The following KDM1B variants were observed in gnomAD, a reference collection of about 807,000 sequenced individuals.
KDM1B encodes lysine-specific histone demethylase 2.
KDM1B carries 63 observed loss-of-function variants against 107.4 expected under a neutral mutation model. The observed-to-expected ratio is 0.59, with a 90% confidence interval of 0.48 to 0.72. The LOEUF (loss-of-function observed/expected upper bound fraction) is 0.72. Among genes scored for constraint, KDM1B ranks in the 30% least tolerant of loss-of-function variants. KDM1B has a pLI of 0.00. For missense variants in KDM1B, 749 were observed against 1,020.8 expected (o/e 0.73, Z 3.63); for synonymous variants, 363 against 363.9 (o/e 1.00, Z 0.03).
chr6:18,176,900 G>A (rs879249005), intron 7 of KDM1B, among the ~76,000 whole-genome samples: 12 of 152,176 alleles, frequency 7.9e-5, no homozygotes, highest in South Asian at 4.1e-4. Flanking sequence ...TTTTGTTAGC[G>A]TCTATGTTCA....
In KDM1B at chr6:18,206,879, T is replaced by G. The variant is rs549751455; in HGVS notation, c.1660-519T>G. Among the ~76,000 whole-genome samples the G allele has an allele frequency of 5.9e-5, 9 of 152,304 alleles. No homozygotes were observed. The South Asian group carries it at 1.9e-3, about 32-fold the overall frequency. ...TTGTTAAAGTAAATTTAAGCTTGCC[T>G]AACTCATTTAACCAACTGTGAACTT... is the stretch of plus-strand genomic sequence containing the variant. On this transcript the variant is annotated intron_variant, in intron 15 of 21. Transcript: ENST00000650836.
chr6:18,220,376 C>G (rs1789592738), intron 21 of KDM1B, among the ~76,000 whole-genome samples: 1 of 152,116 alleles, frequency 6.6e-6, no homozygotes, highest in Non-Finnish European at 1.5e-5. Context: ...TGGTGAAACC[C>G]CGTCACTACT....
chr6:18,192,689 G>T (rs1787356612), intron 10 of KDM1B, among the ~76,000 whole-genome samples: 1 of 150,628 alleles, frequency 6.6e-6, no homozygotes, highest in Admixed American at 6.7e-5. Flanking sequence ...AGGATCGCTT[G>T]TGCCTAGGAG....
rs1000716044 is a variant in KDM1B, at chr6:18,221,810, A to G, written c.2386-99A>G. 5.2e-6 allele frequency: 5 copies of G among 970,870 alleles called. No homozygotes were observed. The Admixed American group carries it at 6.8e-5, about 13-fold the overall frequency. 60.1% of individuals were successfully genotyped at this position (970,870 alleles called of 1,614,324 possible). On this transcript the variant is annotated intron_variant, in intron 21 of 21. Transcript: ENST00000650836. Reference sequence around the variant, plus strand: ...AATATGAGCACACAGGAGTGGCACAAATCTTTATGTTAGACCAGATAAAGT... The same window carrying G: ...AATATGAGCACACAGGAGTGGCACAGATCTTTATGTTAGACCAGATAAAGT...
chr6:18,165,337 A>C lies in KDM1B; in HGVS notation c.306-930A>C, dbSNP rs187390104. The stretch of plus-strand genomic sequence containing the variant: ...AGTAGAGACGGGGTTTCACTGTGTT[A>C]GCCAGGATGGTCTCGATCTCCTGAC... On this transcript the variant is annotated intron_variant, in intron 5 of 21. Coordinates refer to ENST00000650836, the MANE Select transcript of KDM1B (RefSeq NM_001364614.2). Among the ~76,000 whole-genome samples the C allele has an allele frequency of 3.0e-3, 451 of 151,266 alleles. 2 individuals carry two copies. The highest frequency in any genetic ancestry group is 7.8e-3 in the East Asian group (39 of 4,996).
chr6:18,173,878 C>G (rs893805596), intron 7 of KDM1B, among the ~76,000 whole-genome samples: 3 of 152,044 alleles, frequency 2.0e-5, no homozygotes, highest in Non-Finnish European at 4.4e-5. Flanking sequence ...CTCCGCCTCC[C>G]GGGTTCAAGC....
intron 21 of KDM1B, among the ~76,000 whole-genome samples, chr6:18,220,500 C>G (rs369981887): frequency 1.7e-4 from 26 of 151,982 alleles, no homozygotes; most frequent in African/African-American, 6.3e-4. Flanking sequence ...GAGCCAAGAT[C>G]ACGCCACTGC....
At chr6:18,157,636 G>A (rs1017131006) in intron 2 of KDM1B, among the ~76,000 whole-genome samples, 5 of 151,526 alleles carry the variant, frequency 3.3e-5, no homozygotes, top group Non-Finnish European at 4.4e-5. Flanking sequence ...TGTGGTTCAT[G>A]TTATGAATAA....
rs751615354 is a variant in KDM1B, at chr6:18,215,120, C to A, written c.2223C>A (p.Phe741Leu). The A allele has an allele frequency of 1.2e-6, 2 of 1,612,274 alleles. No homozygotes were observed. The highest frequency in any genetic ancestry group is 1.7e-6 in the Non-Finnish European group (2 of 1,179,660). Residue 741 changes from phenylalanine (F) to leucine (L), a missense_variant, in exon 20 of 22, where the codon TTC (phenylalanine) becomes TTA (leucine). Phe to Leu is a conservative substitution (Grantham distance 22). Coordinates refer to ENST00000650836, the MANE Select transcript of KDM1B (RefSeq NM_001364614.2). Reference protein sequence around the residue: ...QQCMATLRELFKEQEVPDPTK... With the variant: ...QQCMATLRELLKEQEVPDPTK... ...GCATGGCCACGCTCCGGGAGCTGTT[C>A]AAGGAGCAGGTGAGAGAGAGGAAGC... is the stretch of plus-strand genomic sequence containing the variant.
chr6:18,180,866 A>C (rs941569788), intron 7 of KDM1B, among the ~76,000 whole-genome samples: 1 of 152,036 alleles, frequency 6.6e-6, no homozygotes, highest in Non-Finnish European at 1.5e-5. Flanking sequence ...GCTCCCGGCC[A>C]CTCTAGCTGT....
chr6:18,177,737 A>G (rs1786120235), intron 7 of KDM1B, among the ~76,000 whole-genome samples: 1 of 151,700 alleles, frequency 6.6e-6, no homozygotes, highest in Non-Finnish European at 1.5e-5. Context: ...TATGGTTTTA[A>G]TTGGGACATA....
At chr6:18,171,257 C>CTG in intron 6 of KDM1B, 106 bp from the exon 7 acceptor site, 1 of 740,588 alleles carries the variant, frequency 1.4e-6, no homozygotes, top group Non-Finnish European at 2.5e-6. Context: ...AGAAAAAATA[C>CTG]TTAGGATTGC....
rs141222425 is a variant in KDM1B, at chr6:18,186,973, T to TACAC, written c.574-795_574-792dup. ...CAGTATGTATATATGTGTGTGTGTG[T>TACAC]ACACACACACACACACACACACACA... On this transcript the variant is annotated intron_variant, in intron 8 of 21. Transcript: ENST00000650836. This position sits in a 1 kb window ranked among gnomAD's most constrained non-coding sequence, Gnocchi z 5.6. Among the ~76,000 whole-genome samples the TACAC allele has an allele frequency of 0.31, 45,133 of 147,206 alleles. 6,840 individuals are homozygous for TACAC. Among genetic ancestry groups the TACAC allele is most frequent in the African/African-American group, 0.33 (13,198 of 39,916 alleles).
Position 18,159,209 on chromosome 6 carries a change from G to A in KDM1B, c.-13-674G>A, listed in dbSNP as rs192061486. ...TCTCGAACTCCTGACCTCATGATCC[G>A]CCTGCCTGGGCCTTGCAAAGTGCTG... is the stretch of plus-strand genomic sequence containing the variant. On this transcript the variant is annotated intron_variant, in intron 2 of 21. Transcript: ENST00000650836. The surrounding 1 kb of genome is among the most constrained non-coding windows in gnomAD (Gnocchi z 4.5). Among the ~76,000 whole-genome samples the A allele has an allele frequency of 1.3e-5, 2 of 152,048 alleles. No individual in the cohort carries two copies. The highest frequency in any genetic ancestry group is 2.9e-5 in the Non-Finnish European group (2 of 68,024).
intron 9 of KDM1B, among the ~76,000 whole-genome samples, chr6:18,190,298 A>G (rs753683707): frequency 6.6e-6 from 1 of 152,040 alleles, no homozygotes; most frequent in African/African-American, 2.4e-5. Flanking sequence ...GTACACTTAA[A>G]AACAGATAAG....
chr6:18,213,120 G>A lies in KDM1B; in HGVS notation c.1983+516G>A, dbSNP rs922541346. 6.6e-6 allele frequency among the ~76,000 whole-genome samples: 1 copy of A among 152,096 alleles called. No homozygotes were observed. The highest frequency in any genetic ancestry group is 1.5e-5 in the Non-Finnish European group (1 of 68,012). On this transcript the variant is annotated intron_variant, in intron 18 of 21. Transcript: ENST00000650836. The surrounding 1 kb of genome is among the most constrained non-coding windows in gnomAD (Gnocchi z 5.9). ...TGCCAGTGGGTTCCATTATCCATGG[G>A]AATGGAACTGAGTGGCATCAAAAGC... is the stretch of plus-strand genomic sequence containing the variant.
chr6:18,193,379 C>G (rs899757602), intron 10 of KDM1B, among the ~76,000 whole-genome samples: 17 of 143,640 alleles, frequency 1.2e-4, no homozygotes, highest in Non-Finnish European at 2.4e-4. Flanking sequence ...TCACAGCTCA[C>G]TACAGCAGCC....
intron 2 of KDM1B, among the ~76,000 whole-genome samples, chr6:18,156,522 C>T (rs1487686069): frequency 1.3e-5 from 2 of 152,088 alleles, no homozygotes; most frequent in Non-Finnish European, 2.9e-5. Flanking sequence ...GAGAAGGCTT[C>T]TTCAGGAGGT....
At chr6:18,161,998 A>AC in intron 4 of KDM1B, among the ~76,000 whole-genome samples, 1 of 151,908 alleles carries the variant, frequency 6.6e-6, no homozygotes, top group South Asian at 2.1e-4. Context: ...GGTTCAATAA[A>AC]ATCGAGAAAA....
Sources: allele counts gnomAD v4.1 joint callset (sites outside exome capture counted in the v4.1 genomes callset), GRCh38; gene constraint gnomAD v4.1.1; non-coding constraint Gnocchi (gnomAD v3.1); transcripts MANE v1.5; gene names NCBI Gene and HGNC (gene_info 2026-07-23, HGNC 2026-07-21).